SPATC1: variants seen among roughly 807,000 people sequenced by gnomAD.
The protein encoded by SPATC1 is spermatogenesis and centriole associated 1, also known as speriolin.
In SPATC1, 35 loss-of-function variants were observed where a neutral mutation model predicts 36.5. The ratio of observed to expected loss-of-function variants is 0.96; its 90% confidence interval spans 0.73 to 1.27. SPATC1 has a LOEUF of 1.27. Among genes scored for constraint, SPATC1 ranks in the 50% most tolerant of loss-of-function variants. The probability of loss-of-function intolerance (pLI) is 0.00; values close to 1 mark genes in which losing one functional copy is unlikely to be tolerated. For missense variants in SPATC1, 779 were observed against 796.0 expected (o/e 0.98, Z 0.26); for synonymous variants, 361 against 353.6 (o/e 1.02, Z -0.24).
intron 1 of SPATC1, among the ~76,000 whole-genome samples, chr8:144,032,887 G>A (rs1460817618): frequency 2.6e-5 from 4 of 152,042 alleles, no homozygotes; most frequent in African/African-American, 9.7e-5. Context: ...TGCACAGATA[G>A]GGATTTCCAT....
intron 1 of SPATC1, among the ~76,000 whole-genome samples, chr8:144,031,458 T>TC (rs1364385699): frequency 6.8e-6 from 1 of 147,988 alleles, no homozygotes; most frequent in Non-Finnish European, 1.5e-5. Context: ...TTCTTTTTTT[T>TC]TTTTTTTTTT....
Position 144,040,959 on chromosome 8 carries a change from C to A in SPATC1, c.1158C>A (p.Ala386=). ...TCCCCCACTGTCCTCCACACAACGC[C>A]CACTCCCCACCTCGTACCTCATCCT... The part of the protein sequence containing the change: ...LPVPHCPPHN[A]HSPPRTSSSP... The change falls in exon 3 of 5, where the codon GCC becomes GCA. Residue 386 remains alanine, a synonymous_variant. Transcript: ENST00000377470. The A allele has an allele frequency of 2.5e-6, 4 of 1,611,176 alleles. No individual in the cohort carries two copies. Among genetic ancestry groups the A allele is most frequent in the Non-Finnish European group, 3.4e-6 (4 of 1,179,212 alleles).
chr8:144,037,896 A>G (rs538251837), intron 1 of SPATC1, among the ~76,000 whole-genome samples: 159 of 151,840 alleles, frequency 1.0e-3, no homozygotes, highest in African/African-American at 3.1e-3. Flanking sequence ...TTGGGAGGCC[A>G]AGGCGGGCAG....
chr8:144,019,878 C>A (rs1469499394), intron 1 of SPATC1, among the ~76,000 whole-genome samples: 1 of 151,992 alleles, frequency 6.6e-6, no homozygotes, highest in South Asian at 2.1e-4. Flanking sequence ...AGGATCCTCT[C>A]CCCTCAGGGC....
chr8:144,037,900 C>T lies in SPATC1; in HGVS notation c.212-2009C>T, dbSNP rs1275829383. ...ATCCCAGCACTTTGGGAGGCCAAGG[C>T]GGGCAGATCATGAGGTCAGGAGATC... On this transcript the variant is annotated intron_variant, in intron 1 of 4. Coordinates refer to ENST00000377470, the MANE Select transcript of SPATC1 (RefSeq NM_198572.3). Among the ~76,000 whole-genome samples, 11 of 151,524 alleles carry T rather than the reference C, an allele frequency of 7.3e-5. No individual in the cohort carries two copies. In the South Asian group the frequency reaches 8.4e-4, roughly 12 times the overall value.
intron 1 of SPATC1, among the ~76,000 whole-genome samples, chr8:144,032,865 C>G (rs1834825947): frequency 6.6e-6 from 1 of 152,102 alleles, no homozygotes; most frequent in South Asian, 2.1e-4. Flanking sequence ...ATAGTGACTT[C>G]TGTGTGTCAT....
At chr8:144,021,312 ATGACCCTCTGC>A (rs1834529345) in intron 1 of SPATC1, among the ~76,000 whole-genome samples, 7 of 126,568 alleles carry the variant, frequency 5.5e-5, no homozygotes, top group East Asian at 4.6e-4. Context: ...CTCTTCCCTC[ATGACCCTCTGC>A]CCTCATGACC....
chr8:144,037,878 C>T (rs1834950264), intron 1 of SPATC1, among the ~76,000 whole-genome samples: 1 of 151,640 alleles, frequency 6.6e-6, no homozygotes. Flanking sequence ...GCCTGTAATC[C>T]CAGCACTTTG....
chr8:144,031,872 T>TCA (rs1224854175), intron 1 of SPATC1, among the ~76,000 whole-genome samples: 1 of 151,758 alleles, frequency 6.6e-6, no homozygotes, highest in Non-Finnish European at 1.5e-5. Flanking sequence ...GCATGTGCCA[T>TCA]CACATCCGGC....
chr8:144,026,803 C>CT (rs1834687177), intron 1 of SPATC1, among the ~76,000 whole-genome samples: 1 of 141,664 alleles, frequency 7.1e-6, no homozygotes, highest in African/African-American at 2.8e-5. Flanking sequence ...TAATTTCTTT[C>CT]TTTTTCTTTT....
rs377285159 is a variant in SPATC1, at chr8:144,040,089, C to G, written c.392C>G (p.Thr131Arg). The change falls in exon 2 of 5, where the codon ACG (threonine) becomes AGG (arginine). Residue 131 changes from threonine (T) to arginine (R), a missense_variant. Physicochemically the swap from Thr to Arg is moderately conservative, Grantham distance 71. Transcript: ENST00000377470. ...ACGCTGCTGTCTGGCCCAGCACCCA[C>G]GTCACAGAGCAGCCCCCTCACCAGC... is the stretch of plus-strand genomic sequence containing the variant. ...LSTLLSGPAP[T>R]SQSSPLTSFL... The G allele has an allele frequency of 1.2e-5, 19 of 1,611,896 alleles. No individual in the cohort carries two copies. The Admixed American group carries it at 3.2e-4, about 27-fold the overall frequency.
chr8:144,029,109 A>C (rs1834743334), intron 1 of SPATC1, among the ~76,000 whole-genome samples: 1 of 147,218 alleles, frequency 6.8e-6, no homozygotes, highest in South Asian at 2.2e-4. Flanking sequence ...TGGGCTTAAT[A>C]CTTGGGTGAT....
In SPATC1 at chr8:144,012,397, C is replaced by T. The variant is rs1162592071; in HGVS notation, c.-119C>T. ...CTCTGACCTCACAATACCCAGGGCC[C>T]ACTGGGCCAGCCTTGCAGACTCTGC... On this transcript the variant is annotated 5_prime_UTR_variant, in exon 1 of 5. Transcript: ENST00000377470. The T allele has an allele frequency of 1.2e-6, 1 of 807,360 alleles. No individual in the cohort carries two copies. Among genetic ancestry groups the T allele is most frequent in the African/African-American group, 1.7e-5 (1 of 57,934 alleles). 50.0% of individuals were successfully genotyped at this position (807,360 alleles called of 1,614,324 possible). A position where few individuals can be genotyped will look rare whatever the true frequency, so the allele number is the denominator to read the frequency against.
rs782383277 is a variant in SPATC1, at chr8:144,046,056, G to A, written c.1447-571G>A. ...CGCAGATGGAGACAGGCCCCTCAGC[G>A]CTGGGGCCAACACTTGCCTGGGGTT... On this transcript the variant is annotated intron_variant, in intron 4 of 4. Transcript: ENST00000377470. This position sits in a 1 kb window ranked among gnomAD's most constrained non-coding sequence, Gnocchi z 6.6. Among the ~76,000 whole-genome samples the A allele has an allele frequency of 2.0e-5, 3 of 152,170 alleles. No individual in the cohort carries two copies. Among genetic ancestry groups the A allele is most frequent in the Non-Finnish European group, 4.4e-5 (3 of 68,006 alleles).
intron 1 of SPATC1, among the ~76,000 whole-genome samples, chr8:144,014,797 T>C (rs1483170050): frequency 1.3e-5 from 2 of 152,178 alleles, no homozygotes; most frequent in Non-Finnish European, 2.9e-5. Context: ...CCCTGACCCA[T>C]GTGTGTCTCA....
chr8:144,031,598 G>C (rs916902205), intron 1 of SPATC1, among the ~76,000 whole-genome samples: 1 of 150,548 alleles, frequency 6.6e-6, no homozygotes, highest in Non-Finnish European at 1.5e-5. Context: ...ATCTCTATGA[G>C]TTTATTCTAC....
chr8:144,011,894 G>A (rs1002763273), upstream of SPATC1, among the ~76,000 whole-genome samples: 40 of 152,296 alleles, frequency 2.6e-4, no homozygotes, highest in African/African-American at 9.4e-4. This position sits in a 1 kb window ranked among gnomAD's most constrained non-coding sequence, Gnocchi z 4.5. Context: ...CGAGTGTCCA[G>A]GCCTTCAAGA....
chr8:144,038,982 G>T (rs1834987033), intron 1 of SPATC1, among the ~76,000 whole-genome samples: 1 of 152,176 alleles, frequency 6.6e-6, no homozygotes, highest in Admixed American at 6.5e-5. Flanking sequence ...GGTAGAGAAG[G>T]TCTCCAAGGC....
chr8:144,028,437 C>T lies in SPATC1; in HGVS notation c.212-11472C>T, dbSNP rs1232782056. On this transcript the variant is annotated intron_variant, in intron 1 of 4. Transcript: ENST00000377470. ...CAAAAGAAGACATTCAAGCAGCCAA[C>T]GAACATATGAAAAAAAGCTCATCAT... Among the ~76,000 whole-genome samples the T allele has an allele frequency of 4.6e-5, 7 of 151,738 alleles. No homozygotes were observed. In the South Asian group the frequency reaches 1.2e-3, roughly 27 times the overall value.
Sources: allele counts gnomAD v4.1 joint callset (sites outside exome capture counted in the v4.1 genomes callset), GRCh38; gene constraint gnomAD v4.1.1; non-coding constraint Gnocchi (gnomAD v3.1); transcripts MANE v1.5; gene names NCBI Gene and HGNC (gene_info 2026-07-23, HGNC 2026-07-21).